CDKN1B: variants seen among roughly 807,000 people sequenced by gnomAD.
CDKN1B encodes cyclin dependent kinase inhibitor 1B, also known as cyclin-dependent kinase inhibitor 1B.
Under a neutral mutation model 17.1 loss-of-function variants are expected in CDKN1B, and 7 were observed. That is an observed-to-expected ratio of 0.41 (90% confidence interval 0.23 to 0.77). CDKN1B has a LOEUF of 0.77. Ranked by LOEUF, CDKN1B falls within the 30% of genes least tolerant of loss-of-function variation. CDKN1B has a pLI of 0.33. For synonymous variants in CDKN1B, 149 were observed against 104.3 expected, an observed-to-expected ratio of 1.43 and a Z score of -2.61; for missense variants, 337 against 262.0, an observed-to-expected ratio of 1.29 and a Z score of -1.98.
At position 12,718,250 on chromosome 12, in the gene CDKN1B, G is replaced by A. The variant is rs534581124; in HGVS notation, c.411G>A (p.Pro137=). The A allele has an allele frequency of 1.1e-5, 17 of 1,611,132 alleles. No homozygotes were observed. The highest frequency in any genetic ancestry group is 9.9e-5 in the South Asian group (9 of 91,090). ...ATTTGGTGGACCCAAAGACTGATCC[G>A]TCGGACAGCCAGACGGGGTTAGCGG... The part of the protein sequence containing the change: ...DTHLVDPKTD[P]SDSQTGLAEQ... The change falls in exon 1 of 3, where the codon CCG becomes CCA. Residue 137 remains proline (P), a synonymous_variant. Coordinates refer to ENST00000228872, the MANE Select transcript of CDKN1B (RefSeq NM_004064.5).
In CDKN1B at chr12:12,718,050, G is replaced by C. The variant is rs1337857330; in HGVS notation, c.211G>C (p.Glu71Gln). The change falls in exon 1 of 3, where the codon GAG (glutamate) becomes CAG (glutamine). Residue 71 changes from glutamate (E) to glutamine (Q), a missense_variant. Physicochemically the swap from Glu to Gln is conservative, Grantham distance 29 (BLOSUM62 2). Transcript: ENST00000228872. ...NFDFQNHKPL[E>Q]GKYEWQEVEK... Reference sequence around the variant, plus strand: ...CGATTTTCAGAATCACAAACCCCTAGAGGGCAAGTACGAGTGGCAAGAGGT... The same window carrying C: ...CGATTTTCAGAATCACAAACCCCTACAGGGCAAGTACGAGTGGCAAGAGGT... 1.9e-6 allele frequency: 3 copies of C among 1,614,128 alleles called. No individual in the cohort carries two copies. The highest frequency in any genetic ancestry group is 4.5e-5 in the East Asian group (2 of 44,902).
chr12:12,717,609 C>G lies in CDKN1B; in HGVS notation c.-231C>G. The G allele has an allele frequency of 9.7e-6, 14 of 1,441,924 alleles. No individual in the cohort carries two copies. The highest frequency in any genetic ancestry group is 1.5e-5 in the South Asian group (1 of 67,960). 89.3% of individuals were successfully genotyped at this position (1,441,924 alleles called of 1,614,324 possible). On this transcript the variant is annotated 5_prime_UTR_variant, in exon 1 of 3. Transcript: ENST00000228872. ...GTCCCCTCTCCTCTCCGCCCTCCCG[C>G]TCGCCAGTCCATTTGATCAGCGGAG... is the stretch of plus-strand genomic sequence containing the variant.
intron 2 of CDKN1B, 151 bp downstream of exon 2, chr12:12,719,105 T>C: frequency 1.1e-6 from 1 of 879,086 alleles, no homozygotes; most frequent in South Asian, 1.5e-5. Context: ...TGGGGAAGGC[T>C]GGGGATACGG....
chr12:12,720,991 T>C, intron 2 of CDKN1B, 45 bp from the exon 3 acceptor site: 1 of 620,670 alleles, frequency 1.6e-6, no homozygotes, highest in Non-Finnish European at 2.9e-6. Context: ...GTAACGTTAA[T>C]CTAGTGCTCT....
At position 12,717,801 on chromosome 12, in the gene CDKN1B, A is replaced by G. The variant is rs1230052524; in HGVS notation, c.-39A>G. 1.9e-6 allele frequency: 3 copies of G among 1,602,264 alleles called. No homozygotes were observed. Among genetic ancestry groups the G allele is most frequent in the Non-Finnish European group, 2.6e-6 (3 of 1,176,342 alleles). On this transcript the variant is annotated 5_prime_UTR_variant, in exon 1 of 3. Transcript: ENST00000228872. The stretch of plus-strand genomic sequence containing the variant: ...TGTTTTGTTCGGTTTTGTTTTTTTG[A>G]GAGTGCGAGAGAGGCGGTCGTGCAG...
chr12:12,718,098 T>C lies in CDKN1B; in HGVS notation c.259T>C (p.Phe87Leu), dbSNP rs1565419461. The change falls in exon 1 of 3, where the codon TTC becomes CTC. Residue 87 changes from phenylalanine (F) to leucine (L), a missense_variant. Transcript: ENST00000228872. ...GGTGGAGAAGGGCAGCTTGCCCGAG[T>C]TCTACTACAGACCCCCGCGGCCCCC... The part of the protein sequence containing the change: ...QEVEKGSLPE[F>L]YYRPPRPPKG... 6.2e-7 allele frequency: 1 copy of C among 1,613,878 alleles called. No homozygotes were observed. Among genetic ancestry groups the C allele is most frequent in the Non-Finnish European group, 8.5e-7 (1 of 1,179,944 alleles).
chr12:12,718,536 A>G (rs1391829221), intron 1 of CDKN1B, among the ~76,000 whole-genome samples: 1 of 152,196 alleles, frequency 6.6e-6, no homozygotes, highest in Non-Finnish European at 1.5e-5. Context: ...CTAACTTAAT[A>G]CATCGCGGTC....
intron 2 of CDKN1B, among the ~76,000 whole-genome samples, chr12:12,719,999 CCA>C (rs939287978): frequency 1.3e-5 from 2 of 152,138 alleles, no homozygotes; most frequent in Admixed American, 6.5e-5. Flanking sequence ...TTTTAAATCC[CCA>C]GTTATAAAAA....
chr12:12,718,733 T>A (rs556509205), intron 1 of CDKN1B, 92 bp from the exon 2 acceptor site: 2 of 1,491,548 alleles, frequency 1.3e-6, no homozygotes, highest in African/African-American at 2.8e-5. Flanking sequence ...TAGTGGGTTT[T>A]TCATCCCCTG....
chr12:12,718,236 C>G lies in CDKN1B; in HGVS notation c.397C>G (p.Pro133Ala), dbSNP rs137985549. 1 of 1,612,200 alleles carries G rather than the reference C, an allele frequency of 6.2e-7. No homozygotes were observed. Among genetic ancestry groups the G allele is most frequent in the Non-Finnish European group, 8.5e-7 (1 of 1,180,016 alleles). ...ANSEDTHLVD[P>A]KTDPSDSQTG... ...CTCTGAGGACACGCATTTGGTGGAC[C>G]CAAAGACTGATCCGTCGGACAGCCA... The change falls in exon 1 of 3, where the codon CCA (proline) becomes GCA (alanine). Residue 133 changes from proline to alanine, a missense_variant. Transcript: ENST00000228872.
Position 12,718,144 on chromosome 12 carries a change from C to T in CDKN1B, c.305C>T (p.Pro102Leu), listed in dbSNP as rs1421717737. The change falls in exon 1 of 3, where the codon CCG (proline) becomes CTG (leucine). Residue 102 changes from proline (P) to leucine (L), a missense_variant. Physicochemically the swap from Pro to Leu is moderately conservative, Grantham distance 98 (BLOSUM62 -3). Coordinates refer to ENST00000228872, the MANE Select transcript of CDKN1B (RefSeq NM_004064.5). ...CCCCCCAAAGGTGCCTGCAAGGTGC[C>T]GGCGCAGGAGAGCCAGGATGTCAGC... ...PRPPKGACKV[P>L]AQESQDVSGS... 3 of 1,613,944 alleles carry T rather than the reference C, an allele frequency of 1.9e-6. No homozygotes were observed. Among genetic ancestry groups the T allele is most frequent in the African/African-American group, 1.3e-5 (1 of 74,936 alleles).
rs555214879 is a variant in CDKN1B at position 12,721,990 on chromosome 12, G to C, written c.*963G>C. On this transcript the variant is annotated 3_prime_UTR_variant, in exon 3 of 3. Transcript: ENST00000228872. ...CAGGAAAGTGTTATTTTTCAAGGAA[G>C]GTTCATGTAGAGAAAAGCACACTTG... is the stretch of plus-strand genomic sequence containing the variant. 48 of 152,280 alleles carry C rather than the reference G, an allele frequency of 3.2e-4. No individual in the cohort carries two copies. The highest frequency in any genetic ancestry group is 8.2e-4 in the African/African-American group (34 of 41,560). 9.4% of individuals were successfully genotyped at this position (152,280 alleles called of 1,614,324 possible). A position where few individuals can be genotyped will look rare whatever the true frequency, so the allele number is the denominator to read the frequency against.
rs2136359370 is a variant in CDKN1B, at chr12:12,721,777, G to A, written c.*750G>A. On this transcript the variant is annotated 3_prime_UTR_variant, in exon 3 of 3. Coordinates refer to ENST00000228872, the MANE Select transcript of CDKN1B (RefSeq NM_004064.5). Reference sequence around the variant, plus strand: ...TCCGAGGTGCTTGGGAGTTTTGAATGTTAAGAATTGACCATCTGCTTTTAT... The same window carrying A: ...TCCGAGGTGCTTGGGAGTTTTGAATATTAAGAATTGACCATCTGCTTTTAT... The A allele has an allele frequency of 6.6e-6, 1 of 152,268 alleles. No individual in the cohort carries two copies. The highest frequency in any genetic ancestry group is 1.9e-4 in the East Asian group (1 of 5,186). 9.4% of individuals were successfully genotyped at this position (152,268 alleles called of 1,614,324 possible).
In CDKN1B at chr12:12,721,744, G is replaced by A. The variant is rs1021679522; in HGVS notation, c.*717G>A. ...ATGGTGATCACTCCAGGTAGTTTGG[G>A]GCAAAAATCCGAGGTGCTTGGGAGT... On this transcript the variant is annotated 3_prime_UTR_variant, in exon 3 of 3. Transcript: ENST00000228872. 6.6e-6 allele frequency: 1 copy of A among 152,004 alleles called. No individual in the cohort carries two copies. The highest frequency in any genetic ancestry group is 1.5e-5 in the Non-Finnish European group (1 of 68,002). The allele number at this position is 152,004 out of a possible 1,614,324, so 9.4% of individuals were successfully genotyped here.
rs769509212 is a variant in CDKN1B, at chr12:12,718,833, A to G, written c.484A>G (p.Thr162Ala). 4 of 1,613,928 alleles carry G rather than the reference A, an allele frequency of 2.5e-6. No homozygotes were observed. Among genetic ancestry groups the G allele is most frequent in the Non-Finnish European group, 3.4e-6 (4 of 1,179,986 alleles). The change falls in exon 2 of 3, where the codon ACT becomes GCT. Residue 162 changes from threonine to alanine, a missense_variant. Thr to Ala is a moderately conservative substitution (Grantham distance 58, BLOSUM62 0). Transcript: ENST00000228872. Reference sequence around the variant, plus strand: ...ATTTCCCCTGCGCTTAGATTCTTCTACTCAAAACAAAAGAGCCAACAGAAC... The same window carrying G: ...ATTTCCCCTGCGCTTAGATTCTTCTGCTCAAAACAAAAGAGCCAACAGAAC... ...RKRPATDDSS[T>A]QNKRANRTEE...
At chr12:12,719,572 A>G (rs950469552) in intron 2 of CDKN1B, 11 of 152,616 alleles carry the variant, frequency 7.2e-5, no homozygotes, top group African/African-American at 2.7e-4. Context: ...GGAAAGATAA[A>G]AAAGTTACTA....
In CDKN1B at chr12:12,718,925, C is replaced by T. The variant is rs772023525; in HGVS notation, c.576C>T (p.Gly192=). The change falls in exon 2 of 3, where the codon GGC becomes GGT. Residue 192 remains glycine (G), a synonymous_variant. Coordinates refer to ENST00000228872, the MANE Select transcript of CDKN1B (RefSeq NM_004064.5). ...GSVEQTPKKP[G]LRRRQT ...TGGAGCAGACGCCCAAGAAGCCTGG[C>T]CTCAGAAGACGTCAAACGTAAACAG... The T allele has an allele frequency of 2.6e-5, 42 of 1,614,054 alleles. No individual in the cohort carries two copies. The East Asian group carries it at 8.9e-4, about 34-fold the overall frequency.
At chr12:12,720,553 A>T (rs1331228719) in intron 2 of CDKN1B, among the ~76,000 whole-genome samples, 1 of 152,198 alleles carries the variant, frequency 6.6e-6, no homozygotes, top group Admixed American at 6.5e-5. Flanking sequence ...CGTAAGTATT[A>T]CAGTTTCCTA....
intron 2 of CDKN1B, 117 bp downstream of exon 2, chr12:12,719,071 T>C (rs1214396809): frequency 3.0e-6 from 4 of 1,336,436 alleles, no homozygotes; most frequent in African/African-American, 2.9e-5. Context: ...TTGTTTATAC[T>C]TCGTGAGGTC....
Sources: allele counts gnomAD v4.1 joint callset (sites outside exome capture counted in the v4.1 genomes callset), GRCh38; gene constraint gnomAD v4.1.1; transcripts MANE v1.5; gene names NCBI Gene and HGNC (gene_info 2026-07-23, HGNC 2026-07-21).